The following CEP170B variants were observed in gnomAD, a reference collection of about 807,000 sequenced individuals.
CEP170B encodes the protein centrosomal protein 170B, also known as centrosomal protein of 170 kDa protein B.
Under a neutral mutation model 120.6 loss-of-function variants are expected in CEP170B, and 55 were observed. The ratio of observed to expected loss-of-function variants is 0.46; its 90% CI spans 0.37 to 0.57. The LOEUF (loss-of-function observed/expected upper bound fraction) is 0.57, where lower values mean the gene tolerates loss of function less well. Ranked by LOEUF, CEP170B falls within the 20% of genes least tolerant of loss-of-function variation. The pLI is 0.00. For missense variants in CEP170B, 2,212 were observed against 2,253.3 expected, an observed-to-expected ratio of 0.98 and a Z score of 0.37; for synonymous variants, 1,033 against 954.5, an observed-to-expected ratio of 1.08 and a Z score of -1.52.
At position 104,867,289 on chromosome 14, in the gene CEP170B, T is replaced by C. The variant is rs2140609374; in HGVS notation, c.-27-1135T>C. ...GCCTGGAATGCAGTCCCACAAGCGT[T>C]CATGGGCTCACTTCCACCCCTGTCC... is the stretch of plus-strand genomic sequence containing the variant. On this transcript the variant is annotated intron_variant, in intron 1 of 18. Coordinates refer to ENST00000414716, the MANE Select transcript of CEP170B (RefSeq NM_001112726.3). The surrounding 1 kb of genome is among the most constrained non-coding windows in gnomAD (Gnocchi z 5.4). 6.6e-6 allele frequency among the ~76,000 whole-genome samples: 1 copy of C among 152,236 alleles called. No homozygotes were observed. The highest frequency in any genetic ancestry group is 2.4e-5 in the African/African-American group (1 of 41,548).
chr14:104,882,340 G>T (rs1896197055), intron 6 of CEP170B, among the ~76,000 whole-genome samples: 1 of 152,202 alleles, frequency 6.6e-6, no homozygotes, highest in African/African-American at 2.4e-5. Flanking sequence ...CCTGCCCTCT[G>T]TTGGATGCGC....
intron 3 of CEP170B, among the ~76,000 whole-genome samples, chr14:104,877,483 A>C (rs2140660299): frequency 6.6e-6 from 1 of 152,332 alleles, no homozygotes; most frequent in Non-Finnish European, 1.5e-5. Context: ...CCCTTGGCCA[A>C]GGGCCACCAC....
chr14:104,895,225 G>T lies in CEP170B; in HGVS notation c.*267G>T. On this transcript the variant is annotated 3_prime_UTR_variant, in exon 19 of 19. Coordinates refer to ENST00000414716, the MANE Select transcript of CEP170B (RefSeq NM_001112726.3). Reference sequence around the variant, plus strand: ...CAGCTCCTGGCCAGGCTGCTGCCAAGGTCAAGCCCTCAAGGGCATTACCCC... The same window carrying T: ...CAGCTCCTGGCCAGGCTGCTGCCAATGTCAAGCCCTCAAGGGCATTACCCC... The T allele has an allele frequency of 2.2e-6, 1 of 457,444 alleles. No homozygotes were observed. The highest frequency in any genetic ancestry group is 3.8e-6 in the Non-Finnish European group (1 of 261,056). The allele number at this position is 457,444 out of a possible 1,614,324, so 28.3% of individuals were successfully genotyped here.
chr14:104,878,215 C>T (rs1895963974), intron 4 of CEP170B, among the ~76,000 whole-genome samples: 1 of 152,058 alleles, frequency 6.6e-6, no homozygotes, highest in African/African-American at 2.4e-5. Context: ...CCTGAGGTCA[C>T]ATGGGGCCTG....
At chr14:104,878,770 C>G (rs1200203505) in intron 5 of CEP170B, among the ~76,000 whole-genome samples, 2 of 149,206 alleles carry the variant, frequency 1.3e-5, no homozygotes, top group South Asian at 4.3e-4. Context: ...GTGGATGCAG[C>G]AGCATCCGGG....
At position 104,868,680 on chromosome 14, in the gene CEP170B, G is replaced by C. The variant is rs774697488; in HGVS notation, c.105+125G>C. 2.9e-5 allele frequency: 27 copies of C among 919,428 alleles called. No homozygotes were observed. The highest frequency in any genetic ancestry group is 4.2e-5 in the Non-Finnish European group (26 of 618,116). The allele number at this position is 919,428 out of a possible 1,614,324, so 57.0% of individuals were successfully genotyped here. ...GCGAGGAGGCCGCCATGCAGCCCAGGCTGGGCCTCTTAACTTGGGTCCCGG... is the reference window on the plus strand; with the variant it reads ...GCGAGGAGGCCGCCATGCAGCCCAGCCTGGGCCTCTTAACTTGGGTCCCGG... On this transcript the variant is annotated intron_variant, in intron 2 of 18. Transcript: ENST00000414716. This position sits in a 1 kb window ranked among gnomAD's most constrained non-coding sequence, Gnocchi z 5.9.
intron 3 of CEP170B, among the ~76,000 whole-genome samples, chr14:104,877,100 TAGCAGCCCCTC>T (rs1233619211): frequency 2.0e-5 from 3 of 152,116 alleles, no homozygotes; most frequent in Middle Eastern, 3.4e-3. Flanking sequence ...TGGGGGGCCC[TAGCAGCCCCTC>T]AGCAGCCCCT....
rs1018709478 is a variant in CEP170B, at chr14:104,874,405, G to A, written c.106-1851G>A. Among the ~76,000 whole-genome samples, 8 of 152,170 alleles carry A rather than the reference G, an allele frequency of 5.3e-5. No individual in the cohort carries two copies. The South Asian group carries it at 1.4e-3, about 28-fold the overall frequency. ...TCAGACCCACTCTCAGAGACCTGTG[G>A]CTTTGGCTGGCAGGGGAGCTGGCAC... On this transcript the variant is annotated intron_variant, in intron 2 of 18. Transcript: ENST00000414716.
intron 14 of CEP170B, 49 bp from the exon 15 acceptor site, chr14:104,893,474 G>A (rs1006558633): frequency 1.3e-6 from 2 of 1,568,472 alleles, no homozygotes; most frequent in Non-Finnish European, 1.7e-6. Flanking sequence ...GCCACAGCCT[G>A]GCAGGAGCCT....
At position 104,887,924 on chromosome 14, in the gene CEP170B, G is replaced by T; in HGVS notation, c.3685G>T (p.Gly1229Cys). Reference sequence around the variant, plus strand: ...GGCTGCCAACACAGCCACCACCACGGGTCCCCGCCAGCCCTTCAGCAGGGC... The same window carrying T: ...GGCTGCCAACACAGCCACCACCACGTGTCCCCGCCAGCCCTTCAGCAGGGC... ...RKAANTATTT[G>C]PRQPFSRARS... Residue 1229 changes from glycine (G) to cysteine (C), a missense_variant, in exon 12 of 19, where the codon GGT (glycine) becomes TGT (cysteine). Coordinates refer to ENST00000414716, the MANE Select transcript of CEP170B (RefSeq NM_001112726.3). The T allele has an allele frequency of 6.5e-7, 1 of 1,547,596 alleles. No individual in the cohort carries two copies. The highest frequency in any genetic ancestry group is 2.4e-5 in the East Asian group (1 of 41,930).
At position 104,868,586 on chromosome 14, in the gene CEP170B, T is replaced by C. The variant is rs1566849086; in HGVS notation, c.105+31T>C. 1 of 1,536,966 alleles carries C rather than the reference T, an allele frequency of 6.5e-7. No homozygotes were observed. The highest frequency in any genetic ancestry group is 2.0e-5 in the Admixed American group (1 of 50,904). ...CAGGGAGCGCTTGGGGCCAGGAGGGTAGGGGGTAGACAGTCTGTCCCTGTG... is the reference window on the plus strand; with the variant it reads ...CAGGGAGCGCTTGGGGCCAGGAGGGCAGGGGGTAGACAGTCTGTCCCTGTG... On this transcript the variant is annotated intron_variant, in intron 2 of 18. Coordinates refer to ENST00000414716, the MANE Select transcript of CEP170B (RefSeq NM_001112726.3). The surrounding 1 kb of genome is among the most constrained non-coding windows in gnomAD (Gnocchi z 5.9).
chr14:104,878,584 C>A, intron 5 of CEP170B, 83 bp downstream of exon 5: 2 of 1,459,530 alleles, frequency 1.4e-6, no homozygotes, highest in Non-Finnish European at 1.9e-6. Context: ...TGCCATCTCC[C>A]CAGCAAACAC....
chr14:104,883,645 C>A, intron 8 of CEP170B, 137 bp downstream of exon 8: 1 of 1,115,124 alleles, frequency 9.0e-7, no homozygotes, highest in Non-Finnish European at 1.2e-6. Flanking sequence ...TGCCTAAGAG[C>A]CACCTGCCTG....
chr14:104,871,149 G>A (rs1215496897), intron 2 of CEP170B, among the ~76,000 whole-genome samples: 1 of 152,138 alleles, frequency 6.6e-6, no homozygotes, highest in African/African-American at 2.4e-5. Context: ...GGCCTCAGTG[G>A]CCCTTTCCGA....
rs756546936 is a variant in CEP170B, at chr14:104,883,896, G to T, written c.1117G>T (p.Ala373Ser). 6.3e-7 allele frequency: 1 copy of T among 1,588,084 alleles called. No homozygotes were observed. Among genetic ancestry groups the T allele is most frequent in the Non-Finnish European group, 8.6e-7 (1 of 1,167,816 alleles). Residue 373 changes from alanine (A) to serine (S), a missense_variant, in exon 9 of 19, where the codon GCT becomes TCT. Around this residue, in one of 2 missense-constraint regions of CEP170B, gnomAD observed 2,166 missense variants for 2,166.7 expected, o/e 1.00. Transcript: ENST00000414716. ...EDPLAKAASAAGVPLEASGEQ... is the reference protein window; with the variant it reads ...EDPLAKAASASGVPLEASGEQ... ...CCCCCTGGCCAAGGCGGCCTCGGCC[G>T]CTGGGGTGCCCTTGGAGGCCAGCGG... is the stretch of plus-strand genomic sequence containing the variant.
chr14:104,893,820 G>T lies in CEP170B; in HGVS notation c.4242G>T (p.Glu1414Asp). The change falls in exon 16 of 19, where the codon GAG (glutamate) becomes GAT (aspartate). Residue 1414 changes from glutamate (E) to aspartate (D), a missense_variant. Transcript: ENST00000414716. ...CCCAGCTGTCGCAGGCCATCCGTGA[G>T]AACACAGAGCACCTTGCCGAGAAGA... ...PVSQLSQAIR[E>D]NTEHLAEKMK... The T allele has an allele frequency of 6.2e-7, 1 of 1,612,560 alleles. No homozygotes were observed. Among genetic ancestry groups the T allele is most frequent in the South Asian group, 1.1e-5 (1 of 90,924 alleles).
At chr14:104,869,286 G>A (rs1178734602) in intron 2 of CEP170B, among the ~76,000 whole-genome samples, 3 of 152,130 alleles carry the variant, frequency 2.0e-5, no homozygotes, top group African/African-American at 4.8e-5. Flanking sequence ...ATCCCCCAGC[G>A]TGGCACGTGG....
intron 2 of CEP170B, among the ~76,000 whole-genome samples, chr14:104,874,739 C>T (rs1895743174): frequency 6.6e-6 from 1 of 151,812 alleles, no homozygotes. Flanking sequence ...TGCAGTACCC[C>T]CCAACCCCCA....
intron 2 of CEP170B, among the ~76,000 whole-genome samples, chr14:104,871,871 A>G (rs909310110): frequency 1.3e-5 from 2 of 152,198 alleles, no homozygotes; most frequent in African/African-American, 4.8e-5. Context: ...CTTGGACCAC[A>G]GCAGGTAGAC....
Sources: allele counts gnomAD v4.1 joint callset (sites outside exome capture counted in the v4.1 genomes callset), GRCh38; gene constraint gnomAD v4.1.1; regional missense constraint gnomAD v4.1.1; non-coding constraint Gnocchi (gnomAD v3.1); transcripts MANE v1.5; gene names NCBI Gene and HGNC (gene_info 2026-07-23, HGNC 2026-07-21).